The following CEP55 variants were observed in gnomAD, a reference collection of about 807,000 sequenced individuals.
The protein encoded by CEP55 is centrosomal protein of 55 kDa.
A neutral mutation model predicts 63.2 loss-of-function variants in CEP55; 57 were observed. That is an observed-to-expected ratio of 0.90 (90% CI 0.73 to 1.13). The LOEUF (loss-of-function observed/expected upper bound fraction) is 1.13, where lower values mean the gene tolerates loss of function less well. CEP55 is among the 50% of genes most tolerant of loss of function. CEP55 has a pLI of 0.00. For synonymous variants in CEP55, 178 were observed against 191.6 expected (o/e 0.93, Z 0.59); for missense variants, 456 against 518.9 (o/e 0.88, Z 1.18).
At chr10:93,515,209 CT>C (rs1428117103) in intron 4 of CEP55, among the ~76,000 whole-genome samples, 195 bp from the exon 5 acceptor site, 1 of 152,156 alleles carries the variant, frequency 6.6e-6, no homozygotes, top group Non-Finnish European at 1.5e-5. Context: ...AACAAATGAA[CT>C]TAATCCCACA....
intron 8 of CEP55, among the ~76,000 whole-genome samples, chr10:93,522,099 AGAGTT>A (rs1449540348): frequency 1.3e-5 from 2 of 151,394 alleles, no homozygotes; most frequent in Admixed American, 1.3e-4. Flanking sequence ...TGGAGAATGA[AGAGTT>A]GAGAGAAGAA....
chr10:93,508,653 T>G (rs1424064451), intron 4 of CEP55, among the ~76,000 whole-genome samples: 14 of 152,204 alleles, frequency 9.2e-5, no homozygotes, highest in Admixed American at 2.6e-4. Context: ...CAGCTACTCC[T>G]TGAATAAACC....
rs1036051131 is a variant in CEP55 at position 93,502,971 on chromosome 10, C to G, written c.184-142C>G. 4.3e-5 allele frequency: 32 copies of G among 743,734 alleles called. No individual in the cohort carries two copies. The African/African-American group carries it at 5.1e-4, about 12-fold the overall frequency. The allele number at this position is 743,734 out of a possible 1,614,324, so 46.1% of individuals were successfully genotyped here. A position where few individuals can be genotyped will look rare whatever the true frequency, so the allele number is the denominator to read the frequency against. ...GAGCTATCTGAACATAAAACTTTGGCTTCCTAATCTTTTTTGGCCTTGGTA... is the reference window on the plus strand; with the variant it reads ...GAGCTATCTGAACATAAAACTTTGGGTTCCTAATCTTTTTTGGCCTTGGTA... On this transcript the variant is annotated intron_variant, in intron 2 of 8. Coordinates refer to ENST00000371485, the MANE Select transcript of CEP55 (RefSeq NM_018131.5).
At chr10:93,514,957 G>A (rs758688237) in intron 4 of CEP55, among the ~76,000 whole-genome samples, 3 of 152,112 alleles carry the variant, frequency 2.0e-5, no homozygotes, top group Non-Finnish European at 4.4e-5. Context: ...ATTTTTATTA[G>A]AGACAGGGTT....
rs151165431 is a variant in CEP55 at position 93,518,705 on chromosome 10, T to G, written c.994-172T>G. On this transcript the variant is annotated intron_variant, in intron 6 of 8. Coordinates refer to ENST00000371485, the MANE Select transcript of CEP55 (RefSeq NM_018131.5). The stretch of plus-strand genomic sequence containing the variant: ...CTCGGCAAGGGCGGTGGTATACTGC[T>G]TAGCTGCTGGCATAGATAGCCATCA... Among the ~76,000 whole-genome samples, 770 of 152,292 alleles carry G rather than the reference T, an allele frequency of 5.1e-3. 6 individuals carry two copies. Among genetic ancestry groups the G allele is most frequent in the Non-Finnish European group, 7.0e-3 (476 of 68,026 alleles).
At chr10:93,519,282 C>G (rs2057833547) in intron 7 of CEP55, among the ~76,000 whole-genome samples, 1 of 152,120 alleles carries the variant, frequency 6.6e-6, no homozygotes, top group Non-Finnish European at 1.5e-5. Context: ...CTTATAACTT[C>G]AAGCAGAACT....
At chr10:93,518,056 TTAA>T (rs1331283511) in intron 6 of CEP55, among the ~76,000 whole-genome samples, 1 of 152,230 alleles carries the variant, frequency 6.6e-6, no homozygotes, top group Admixed American at 6.5e-5. Context: ...TGCTACTATT[TTAA>T]TAATAATTTT....
chr10:93,500,090 G>A lies in CEP55; in HGVS notation c.39G>A (p.Lys13=), dbSNP rs2057616858. The A allele has an allele frequency of 2.5e-6, 4 of 1,612,498 alleles. No individual in the cohort carries two copies. The highest frequency in any genetic ancestry group is 1.7e-5 in the Admixed American group (1 of 59,504). Residue 13 remains lysine (K), a synonymous_variant, in exon 2 of 9, where the codon AAG becomes AAA. Transcript: ENST00000371485. ...SRSTKDLIKS[K]WGSKPSNSKS... ...GTACCAAAGATTTAATTAAAAGTAA[G>A]TGGGGATCGAAGCCTAGTAACTCCA...
chr10:93,502,248 A>G (rs187162280), intron 2 of CEP55, among the ~76,000 whole-genome samples: 4 of 152,346 alleles, frequency 2.6e-5, no homozygotes, highest in African/African-American at 9.6e-5. Flanking sequence ...ACATCTACTT[A>G]GCTGGATACT....
intron 2 of CEP55, among the ~76,000 whole-genome samples, chr10:93,502,533 C>G (rs2057645113): frequency 6.6e-6 from 1 of 152,178 alleles, no homozygotes; most frequent in Non-Finnish European, 1.5e-5. Context: ...ATGCCAGCAG[C>G]AGTTTAAAAA....
intron 4 of CEP55, among the ~76,000 whole-genome samples, chr10:93,512,996 C>T (rs947734251): frequency 8.5e-5 from 13 of 152,264 alleles, no homozygotes; most frequent in South Asian, 4.1e-4. Context: ...CATATATCTA[C>T]CACGAAGTTT....
intron 6 of CEP55, among the ~76,000 whole-genome samples, chr10:93,518,663 G>A (rs2057827337): frequency 6.6e-6 from 1 of 152,182 alleles, no homozygotes; most frequent in Admixed American, 6.5e-5. Flanking sequence ...CATTCAGTCT[G>A]TGTGCCTCAG....
rs1002854345 is a variant in CEP55 at position 93,519,809 on chromosome 10, T to A, written c.1191+2T>A. 4.3e-6 allele frequency: 7 copies of A among 1,613,898 alleles called. No individual in the cohort carries two copies. The highest frequency in any genetic ancestry group is 5.9e-6 in the Non-Finnish European group (7 of 1,180,018). Reference sequence around the variant, plus strand: ...CAAATAACACAGTTGGAATCCTTGGTGAGTCTGGAATGATTAAACTAAAAT... The same window carrying A: ...CAAATAACACAGTTGGAATCCTTGGAGAGTCTGGAATGATTAAACTAAAAT... On this transcript the variant is annotated splice_donor_variant, in intron 8 of 8. Coordinates refer to ENST00000371485, the MANE Select transcript of CEP55 (RefSeq NM_018131.5). LOFTEE classifies it high-confidence loss of function.
intron 1 of CEP55, 128 bp from the exon 2 acceptor site, chr10:93,499,912 C>A: frequency 3.3e-6 from 2 of 599,622 alleles, no homozygotes; most frequent in Non-Finnish European, 5.6e-6. Flanking sequence ...CTCCATCCAT[C>A]TTTCTCCATA....
chr10:93,505,862 T>TG (rs34150257), intron 3 of CEP55, among the ~76,000 whole-genome samples: 78,336 of 151,368 alleles, frequency 0.52, 22,504 homozygotes, highest in Non-Finnish European at 0.65. Context: ...TTTTTTTTTT[T>TG]AGATAGAATC....
In CEP55 at chr10:93,515,457, A is replaced by G. The variant is rs750445691; in HGVS notation, c.581A>G (p.Tyr194Cys). The G allele has an allele frequency of 3.3e-5, 53 of 1,613,650 alleles. No individual in the cohort carries two copies. Among genetic ancestry groups the G allele is most frequent in the Non-Finnish European group, 4.2e-5 (49 of 1,179,692 alleles). Residue 194 changes from tyrosine (Y) to cysteine (C), a missense_variant, in exon 5 of 9, where the codon TAT (tyrosine) becomes TGT (cysteine). Physicochemically the swap from Tyr to Cys is radical, Grantham distance 194 (BLOSUM62 -2). Coordinates refer to ENST00000371485, the MANE Select transcript of CEP55 (RefSeq NM_018131.5). The part of the protein sequence containing the change: ...WLVYDQQREV[Y>C]VKGLLAKIFE... ...GTGTATGATCAGCAGCGGGAAGTCT[A>G]TGTAAAAGGACTTTTAGCAAAGATC...
intron 8 of CEP55, among the ~76,000 whole-genome samples, chr10:93,526,265 T>A (rs547286546): frequency 1.8e-4 from 27 of 151,960 alleles, no homozygotes; most frequent in African/African-American, 6.0e-4. Flanking sequence ...CATCAAAAAG[T>A]GGGTGAAGGA....
intron 3 of CEP55, 144 bp from the exon 4 acceptor site, chr10:93,506,844 G>A: frequency 2.9e-6 from 2 of 682,808 alleles, no homozygotes; most frequent in Non-Finnish European, 5.4e-6. Context: ...AGAGTGCTGG[G>A]ATTATAGGCG....
intron 2 of CEP55, among the ~76,000 whole-genome samples, chr10:93,500,610 C>A (rs1285966043): frequency 6.6e-6 from 1 of 152,194 alleles, no homozygotes; most frequent in Non-Finnish European, 1.5e-5. Context: ...ATTCATCATT[C>A]TTCCTATAGC....
Sources: gnomAD v4.1 joint callset for allele counts (sites outside exome capture counted in the v4.1 genomes callset) on GRCh38, gnomAD v4.1.1 for gene constraint, MANE v1.5 for transcripts, NCBI Gene and HGNC (gene_info 2026-07-23, HGNC 2026-07-21) for gene names.